The following TMEM63C variants were observed in gnomAD, a reference collection of about 807,000 sequenced individuals.
TMEM63C encodes transmembrane protein 63C.
TMEM63C carries 32 observed loss-of-function variants against 99.2 expected under a neutral mutation model. That is an observed-to-expected ratio of 0.32 (90% CI 0.24 to 0.43). TMEM63C has a LOEUF of 0.43. TMEM63C is among the 20% of genes least tolerant of loss of function. The pLI, the probability that TMEM63C is intolerant of heterozygous loss-of-function variation, is 1.00. For synonymous variants in TMEM63C, 376 were observed against 397.9 expected, an observed-to-expected ratio of 0.94 and a Z score of 0.66; for missense variants, 826 against 1,053.0, an observed-to-expected ratio of 0.78 and a Z score of 2.98.
intron 1 of TMEM63C, among the ~76,000 whole-genome samples, chr14:77,201,558 C>T (rs972464935): frequency 1.3e-5 from 2 of 152,150 alleles, no homozygotes; most frequent in African/African-American, 4.8e-5. Context: ...GTCCCTGGCC[C>T]AGCGGCATCA....
intron 1 of TMEM63C, among the ~76,000 whole-genome samples, chr14:77,209,889 A>G (rs1048867377): frequency 3.9e-5 from 6 of 152,048 alleles, no homozygotes; most frequent in East Asian, 1.9e-4. Context: ...CTTCCAGTGA[A>G]GAGGTGGTGT....
chr14:77,223,016 A>G (rs971591575), intron 5 of TMEM63C, among the ~76,000 whole-genome samples: 11 of 152,124 alleles, frequency 7.2e-5, no homozygotes, highest in Non-Finnish European at 1.6e-4. Flanking sequence ...AAGTAAGCGG[A>G]GCCAAATTCC....
Position 77,240,456 on chromosome 14 carries a change from A to G in TMEM63C, c.931-19A>G. 1 of 1,603,430 alleles carries G rather than the reference A, an allele frequency of 6.2e-7. No homozygotes were observed. The highest frequency in any genetic ancestry group is 8.5e-7 in the Non-Finnish European group (1 of 1,178,194). ...CCTGGGGCTCTGGCCCCAGCCCTGA[A>G]GGCTGCCTGCCACCCCAGGTGGATG... On this transcript the variant is annotated intron_variant, in intron 12 of 23. Coordinates refer to ENST00000298351, the MANE Select transcript of TMEM63C (RefSeq NM_020431.4).
At chr14:77,213,906 C>A (rs1218161617) in intron 2 of TMEM63C, among the ~76,000 whole-genome samples, 1 of 152,148 alleles carries the variant, frequency 6.6e-6, no homozygotes, top group African/African-American at 2.4e-5. Context: ...ACTCCCGGAT[C>A]CTGCTAGATG....
intron 5 of TMEM63C, among the ~76,000 whole-genome samples, chr14:77,220,862 A>T (rs1221677081): frequency 8.2e-6 from 1 of 121,426 alleles, no homozygotes. Flanking sequence ...CCTCTCACTC[A>T]CGCCCCGCCT....
At chr14:77,236,521 G>T in intron 8 of TMEM63C, 103 bp from the exon 9 acceptor site, 2 of 794,466 alleles carry the variant, frequency 2.5e-6, no homozygotes. Context: ...TGGGCTGGGG[G>T]GCCCCAGGAG....
At chr14:77,215,099 C>T (rs1888557500) in intron 2 of TMEM63C, among the ~76,000 whole-genome samples, 1 of 152,202 alleles carries the variant, frequency 6.6e-6, no homozygotes, top group South Asian at 2.1e-4. Context: ...TCCAGCACAG[C>T]AAGTCTGGCT....
rs548914146 is a variant in TMEM63C at position 77,203,044 on chromosome 14, G to A, written c.-76-10402G>A. On this transcript the variant is annotated intron_variant, in intron 1 of 23. Coordinates refer to ENST00000298351, the MANE Select transcript of TMEM63C (RefSeq NM_020431.4). ...CAGTTTGGTTTTGTTGTTTTGTTTT[G>A]TTCAAAACGGTTAGGTATGCATATA... Among the ~76,000 whole-genome samples the A allele has an allele frequency of 7.2e-5, 11 of 152,236 alleles. No individual in the cohort carries two copies. The South Asian group carries it at 1.9e-3, about 26-fold the overall frequency.
chr14:77,225,886 C>T (rs1035486005), intron 6 of TMEM63C, among the ~76,000 whole-genome samples: 1 of 151,952 alleles, frequency 6.6e-6, no homozygotes, highest in Non-Finnish European at 1.5e-5. Flanking sequence ...GGCCTCAGTG[C>T]CTGGAGAGCA....
intron 22 of TMEM63C, among the ~76,000 whole-genome samples, chr14:77,252,926 G>A (rs1889394454): frequency 6.6e-6 from 1 of 152,226 alleles, no homozygotes; most frequent in South Asian, 2.1e-4. Context: ...AAGGAGAATG[G>A]CCAGGAACCT....
In TMEM63C at chr14:77,247,325, C is replaced by T. The variant is rs146487911; in HGVS notation, c.1601+651C>T. 8.7e-4 allele frequency among the ~76,000 whole-genome samples: 133 copies of T among 152,078 alleles called. 2 individuals are homozygous for T. Among genetic ancestry groups the T allele is most frequent in the African/African-American group, 3.1e-3 (130 of 41,484 alleles). ...AAGCGATTCTCCCACCTCAGCCTGC[C>T]GAGTAGCTGAGATTACAAGCACATG... On this transcript the variant is annotated intron_variant, in intron 18 of 23. Coordinates refer to ENST00000298351, the MANE Select transcript of TMEM63C (RefSeq NM_020431.4).
intron 14 of TMEM63C, 38 bp downstream of exon 14, chr14:77,242,507 C>T (rs771145974): frequency 1.2e-6 from 2 of 1,607,646 alleles, no homozygotes; most frequent in Middle Eastern, 1.7e-4. Context: ...CTCTGAGCTC[C>T]TCTGAGACTG....
intron 18 of TMEM63C, among the ~76,000 whole-genome samples, chr14:77,247,896 T>C (rs1889291933): frequency 6.6e-6 from 1 of 152,214 alleles, no homozygotes; most frequent in Non-Finnish European, 1.5e-5. Context: ...TGAGCCACCA[T>C]GCCCTGCCGT....
chr14:77,253,829 T>C (rs1253692760), intron 23 of TMEM63C, among the ~76,000 whole-genome samples: 1 of 152,228 alleles, frequency 6.6e-6, no homozygotes, highest in African/African-American at 2.4e-5. Flanking sequence ...CGAGCCTGTC[T>C]GCGTGCAGAG....
chr14:77,199,198 G>C lies in TMEM63C; in HGVS notation c.-76-14248G>C, dbSNP rs372375227. Among the ~76,000 whole-genome samples the C allele has an allele frequency of 1.5e-4, 23 of 152,190 alleles. No homozygotes were observed. In the East Asian group the frequency reaches 1.7e-3, roughly 11 times the overall value. On this transcript the variant is annotated intron_variant, in intron 1 of 23. Transcript: ENST00000298351. ...AACATTTGAGACACACAGATTGTTT[G>C]CTCCCCTTGGGGATTCCTGAGAGGC...
intron 1 of TMEM63C, among the ~76,000 whole-genome samples, chr14:77,206,179 C>A (rs1433651076): frequency 1.3e-5 from 2 of 150,782 alleles, no homozygotes; most frequent in Non-Finnish European, 3.0e-5. Flanking sequence ...CAAAAAATGA[C>A]TAGAGGGGCC....
rs1311111400 is a variant in TMEM63C, at chr14:77,246,664, A to G, written c.1591A>G (p.Ile531Val). 1 of 1,613,348 alleles carries G rather than the reference A, an allele frequency of 6.2e-7. No homozygotes were observed. The highest frequency in any genetic ancestry group is 1.7e-5 in the Admixed American group (1 of 59,964). The change falls in exon 18 of 24, where the codon ATC (isoleucine) becomes GTC (valine). Residue 531 changes from isoleucine to valine, a missense_variant. Physicochemically the swap from Ile to Val is conservative, Grantham distance 29. Coordinates refer to ENST00000298351, the MANE Select transcript of TMEM63C (RefSeq NM_020431.4). ...CATCTACTATCTAGAGCAAGCATCCATCAGGTTCCAGTGAGTACTCCCATG... is the reference window on the plus strand; with the variant it reads ...CATCTACTATCTAGAGCAAGCATCCGTCAGGTTCCAGTGAGTACTCCCATG... ...FDIYYLEQAS[I>V]RFQCVFLPDN...
At chr14:77,201,709 C>A (rs1437175962) in intron 1 of TMEM63C, among the ~76,000 whole-genome samples, 1 of 152,216 alleles carries the variant, frequency 6.6e-6, no homozygotes, top group Non-Finnish European at 1.5e-5. Context: ...AGTGTGAGAC[C>A]CATTGCTGTA....
chr14:77,237,628 T>A (rs748389584), intron 9 of TMEM63C, among the ~76,000 whole-genome samples: 6 of 152,180 alleles, frequency 3.9e-5, no homozygotes, highest in Non-Finnish European at 8.8e-5. Context: ...TCATTGAGGG[T>A]TGCGCTTGGG....
Sources: allele counts gnomAD v4.1 joint callset (sites outside exome capture counted in the v4.1 genomes callset), GRCh38; gene constraint gnomAD v4.1.1; transcripts MANE v1.5; gene names NCBI Gene and HGNC (gene_info 2026-07-23, HGNC 2026-07-21).